HEPHL1: variants seen among roughly 807,000 people sequenced by gnomAD.
The protein encoded by HEPHL1 is ferroxidase HEPHL1.
A neutral mutation model predicts 122.0 loss-of-function variants in HEPHL1; 123 were observed. That is an observed-to-expected ratio of 1.01 (90% CI 0.87 to 1.17). The LOEUF (loss-of-function observed/expected upper bound fraction) is 1.17, where lower values mean the gene tolerates loss of function less well. HEPHL1 is among the 50% of genes most tolerant of loss of function. The probability of loss-of-function intolerance (pLI) is 0.00; values close to 1 mark genes in which losing one functional copy is unlikely to be tolerated. For synonymous variants in HEPHL1, 527 were observed against 508.9 expected, an observed-to-expected ratio of 1.04 and a Z score of -0.48; for missense variants, 1,452 against 1,430.5, an observed-to-expected ratio of 1.01 and a Z score of -0.24.
At chr11:94,061,662 ATTTAAC>A (rs1945985992) in intron 2 of HEPHL1, among the ~76,000 whole-genome samples, 1 of 152,210 alleles carries the variant, frequency 6.6e-6, no homozygotes, top group South Asian at 2.1e-4. Context: ...AAATACATTA[ATTTAAC>A]TTTGAGTACA....
rs1019055002 is a variant in HEPHL1, at chr11:94,106,065, T to C, written c.2980T>C (p.Leu994=). Residue 994 remains leucine, a synonymous_variant, in exon 17 of 20, where the codon TTA becomes CTA. Coordinates refer to ENST00000315765, the MANE Select transcript of HEPHL1 (RefSeq NM_001098672.2). ...NEDTMTNWYL[L]GIGSEVDIHT... Reference sequence around the variant, plus strand: ...AGATACAATGACAAACTGGTATTTGTTAGGGATAGGAAGTGAAGTGGACAT... The same window carrying C: ...AGATACAATGACAAACTGGTATTTGCTAGGGATAGGAAGTGAAGTGGACAT... The C allele has an allele frequency of 1.3e-5, 21 of 1,601,016 alleles. No individual in the cohort carries two copies. The highest frequency in any genetic ancestry group is 1.5e-5 in the Non-Finnish European group (18 of 1,171,326).
At chr11:94,081,779 T>TA (rs776331931) in intron 9 of HEPHL1, among the ~76,000 whole-genome samples, 23 of 152,046 alleles carry the variant, frequency 1.5e-4, no homozygotes, top group South Asian at 2.1e-4. Flanking sequence ...AGGAAAAAGT[T>TA]AAAAAAAATA....
intron 9 of HEPHL1, among the ~76,000 whole-genome samples, chr11:94,075,805 A>G (rs1405238954): frequency 1.3e-5 from 2 of 152,172 alleles, no homozygotes; most frequent in African/African-American, 4.8e-5. Flanking sequence ...GATGATTCCA[A>G]TGTGCAGCCA....
chr11:94,066,226 G>A (rs1946033470), intron 4 of HEPHL1, among the ~76,000 whole-genome samples: 1 of 151,964 alleles, frequency 6.6e-6, no homozygotes. Context: ...TAGCCTGTAT[G>A]CTGAAGTAGA....
intron 12 of HEPHL1, 134 bp from the exon 13 acceptor site, chr11:94,093,367 C>A: frequency 1.1e-6 from 1 of 926,510 alleles, no homozygotes; most frequent in Non-Finnish European, 1.7e-6. Flanking sequence ...GTGCAAAAGG[C>A]CTGCTCCCCA....
At chr11:94,035,483 G>A (rs1406048003) in intron 1 of HEPHL1, among the ~76,000 whole-genome samples, 1 of 152,192 alleles carries the variant, frequency 6.6e-6, no homozygotes, top group Non-Finnish European at 1.5e-5. Flanking sequence ...TTCTGGGAGA[G>A]TTCCTTTTTT....
rs752867422 is a variant in HEPHL1, at chr11:94,086,112, T to G, written c.2003T>G (p.Leu668Arg). 1 of 1,613,348 alleles carries G rather than the reference T, an allele frequency of 6.2e-7. No individual in the cohort carries two copies. The highest frequency in any genetic ancestry group is 1.3e-5 in the African/African-American group (1 of 74,782). ...GTTTTTCAAGGGAACACCATCCACC[T>G]ACGAGGGACTCACCGAGACTCCCTG... ...GIVFQGNTIH[L>R]RGTHRDSLAL... The change falls in exon 11 of 20, where the codon CTA (leucine) becomes CGA (arginine). Residue 668 changes from leucine to arginine, a missense_variant. Transcript: ENST00000315765.
intron 2 of HEPHL1, chr11:94,056,056 T>A (rs1945933516): frequency 6.5e-6 from 3 of 459,950 alleles, no homozygotes; most frequent in Non-Finnish European, 1.1e-5. Context: ...TGTATTTTGA[T>A]GCATTTTTGT....
chr11:94,072,805 A>C (rs546479807), intron 6 of HEPHL1, among the ~76,000 whole-genome samples: 2 of 152,194 alleles, frequency 1.3e-5, no homozygotes, highest in East Asian at 1.9e-4. Flanking sequence ...CTTGGGAAGA[A>C]AGTACAATGG....
intron 1 of HEPHL1, among the ~76,000 whole-genome samples, chr11:94,037,295 G>A (rs1043029762): frequency 2.5e-4 from 38 of 151,940 alleles, no homozygotes; most frequent in Non-Finnish European, 4.4e-4. Context: ...CTGGGGGAGG[G>A]GCGCCCGCCA....
intron 3 of HEPHL1, 27 bp from the exon 4 acceptor site, chr11:94,064,304 C>G: frequency 6.4e-7 from 1 of 1,568,700 alleles, no homozygotes; most frequent in Non-Finnish European, 8.7e-7. Context: ...AGTTCTTTCT[C>G]TCTACTCTTT....
Position 94,057,521 on chromosome 11 carries a change from T to G in HEPHL1, c.416-5987T>G, listed in dbSNP as rs564453170. ...ATCTAGCTTTAAGTTCACTGATACT[T>G]TCTTTTGCTTTCTTGAATATATTGT... On this transcript the variant is annotated intron_variant, in intron 2 of 19. Transcript: ENST00000315765. Among the ~76,000 whole-genome samples the G allele has an allele frequency of 5.9e-5, 9 of 152,266 alleles. No individual in the cohort carries two copies. In the South Asian group the frequency reaches 1.9e-3, roughly 32 times the overall value.
At chr11:94,033,094 A>G (rs1227961576) in intron 1 of HEPHL1, among the ~76,000 whole-genome samples, 1 of 152,122 alleles carries the variant, frequency 6.6e-6, no homozygotes, top group East Asian at 1.9e-4. Context: ...CAAACTGCGC[A>G]CTTGTTTTTC....
chr11:94,084,142 T>A (rs1183726744), intron 10 of HEPHL1, among the ~76,000 whole-genome samples: 1 of 151,594 alleles, frequency 6.6e-6, no homozygotes, highest in Non-Finnish European at 1.5e-5. Flanking sequence ...CTGGGCAACT[T>A]AGTGAGACCC....
At chr11:94,043,592 G>T (rs1301874719) in intron 1 of HEPHL1, among the ~76,000 whole-genome samples, 1 of 152,190 alleles carries the variant, frequency 6.6e-6, no homozygotes. Flanking sequence ...CACAGAGAAT[G>T]AGAGTGGGAC....
At chr11:94,025,398 G>A (rs1348383152) in intron 1 of HEPHL1, among the ~76,000 whole-genome samples, 1 of 152,084 alleles carries the variant, frequency 6.6e-6, no homozygotes, top group Admixed American at 6.5e-5. Flanking sequence ...ATTAAGGTGT[G>A]TGTTTGGTGG....
Position 94,075,247 on chromosome 11 carries a change from A to C in HEPHL1, c.1578A>C (p.Val526=). ...FTYKWTVPES[V]SPTAGDPPCL... is the part of the protein sequence containing the mutation. Reference sequence around the variant, plus strand: ...ACAAGTGGACAGTGCCTGAGAGCGTAAGCCCAACTGCTGGTGATCCTCCCT... The same window carrying C: ...ACAAGTGGACAGTGCCTGAGAGCGTCAGCCCAACTGCTGGTGATCCTCCCT... The change falls in exon 9 of 20, where the codon GTA becomes GTC. Residue 526 remains valine, a synonymous_variant. Transcript: ENST00000315765. 1 of 1,613,498 alleles carries C rather than the reference A, an allele frequency of 6.2e-7. No individual in the cohort carries two copies. The highest frequency in any genetic ancestry group is 8.5e-7 in the Non-Finnish European group (1 of 1,179,628).
Position 94,098,250 on chromosome 11 carries a change from G to A in HEPHL1, c.2435-2945G>A, listed in dbSNP as rs199975437. Among the ~76,000 whole-genome samples the A allele has an allele frequency of 5.9e-5, 9 of 152,116 alleles. 1 individual carries two copies. The highest frequency in any genetic ancestry group is 5.9e-4 in the Admixed American group (9 of 15,268). Reference sequence around the variant, plus strand: ...TCTCAGCATTTGCTTGTCTGTAAAGGATTTTATTTCTCCACTTATGAAGCT... The same window carrying A: ...TCTCAGCATTTGCTTGTCTGTAAAGAATTTTATTTCTCCACTTATGAAGCT... On this transcript the variant is annotated intron_variant, in intron 13 of 19. Coordinates refer to ENST00000315765, the MANE Select transcript of HEPHL1 (RefSeq NM_001098672.2).
In HEPHL1 at chr11:94,070,386, G is replaced by T. The variant is rs1455317632; in HGVS notation, c.1076G>T (p.Gly359Val). ...VSDHLQAGML[G>V]QYNVDNCKSD... ...CTCTGTTCTGCAGCTGGTATGCTGGGGCAATACAATGTTGATAACTGCAAA... is the reference window on the plus strand; with the variant it reads ...CTCTGTTCTGCAGCTGGTATGCTGGTGCAATACAATGTTGATAACTGCAAA... The change falls in exon 6 of 20, where the codon GGG becomes GTG. Residue 359 changes from glycine to valine, a missense_variant. By Grantham distance (109) the Gly-to-Val change is moderately radical (BLOSUM62 -3). Coordinates refer to ENST00000315765, the MANE Select transcript of HEPHL1 (RefSeq NM_001098672.2). 1.3e-6 allele frequency: 2 copies of T among 1,594,466 alleles called. No individual in the cohort carries two copies. Among genetic ancestry groups the T allele is most frequent in the Non-Finnish European group, 1.7e-6 (2 of 1,169,446 alleles).
Sources: allele counts gnomAD v4.1 joint callset (sites outside exome capture counted in the v4.1 genomes callset), GRCh38; gene constraint gnomAD v4.1.1; transcripts MANE v1.5; gene names NCBI Gene and HGNC (gene_info 2026-07-23, HGNC 2026-07-21).